DLC1: variants seen among roughly 807,000 people sequenced by gnomAD.
DLC1 encodes the protein rho GTPase-activating protein 7.
In DLC1, 54 loss-of-function variants were observed where a neutral mutation model predicts 140.3. That is an observed-to-expected ratio of 0.38 (90% confidence interval 0.31 to 0.48). The LOEUF is 0.48. DLC1 is among the 20% of genes least tolerant of loss of function. The pLI is 0.96. For missense variants in DLC1, 2,536 were observed against 1,907.0 expected (o/e 1.33, Z -6.14); for synonymous variants, 986 against 728.1 (o/e 1.35, Z -5.70).
chr8:13,339,771 G>A (rs367726776), intron 4 of DLC1: 1 of 152,090 alleles, frequency 6.6e-6, no homozygotes, highest in Non-Finnish European at 1.5e-5. Flanking sequence ...AAAATTACTT[G>A]TATAGAAAGC....
intron 1 of DLC1, among the ~76,000 whole-genome samples, chr8:13,569,107 G>A (rs1804554354): frequency 6.6e-6 from 1 of 152,094 alleles, no homozygotes; most frequent in Non-Finnish European, 1.5e-5. Context: ...GAATACCATG[G>A]CATTTTGAAA....
At chr8:13,123,083 C>T (rs548372266) in intron 5 of DLC1, among the ~76,000 whole-genome samples, 13 of 152,272 alleles carry the variant, frequency 8.5e-5, no homozygotes, top group East Asian at 3.9e-4. Flanking sequence ...GAGTACAGCG[C>T]GTATGAGGAC....
intron 5 of DLC1, among the ~76,000 whole-genome samples, chr8:13,171,278 C>G (rs76475436): frequency 0.053 from 8,038 of 152,232 alleles, 280 homozygotes; most frequent in South Asian, 0.12. Flanking sequence ...TAGGCTGTGT[C>G]AACCTGTTTG....
intron 4 of DLC1, among the ~76,000 whole-genome samples, chr8:13,389,960 C>A (rs1836677177): frequency 6.6e-6 from 1 of 152,084 alleles, no homozygotes; most frequent in Non-Finnish European, 1.5e-5. Context: ...AACTTTTGTT[C>A]ATGGTAAAAA....
intron 2 of DLC1, among the ~76,000 whole-genome samples, chr8:13,409,548 A>T (rs761319954): frequency 9.2e-5 from 14 of 152,168 alleles, no homozygotes; most frequent in Non-Finnish European, 1.9e-4. Context: ...ACTGTGGCTA[A>T]ACATTTTTAT....
intron 2 of DLC1, among the ~76,000 whole-genome samples, chr8:13,480,863 CA>C (rs1800699715): frequency 6.6e-6 from 1 of 152,246 alleles, no homozygotes; most frequent in African/African-American, 2.4e-5. Flanking sequence ...GAGATCACGC[CA>C]TTGCACTGCA....
chr8:13,197,934 A>T (rs987049338), intron 5 of DLC1, among the ~76,000 whole-genome samples: 2 of 152,056 alleles, frequency 1.3e-5, no homozygotes, highest in Admixed American at 1.3e-4. Flanking sequence ...TCCTTCTAAG[A>T]ATGAAGTATT....
At chr8:13,178,296 C>A (rs1825857771) in intron 5 of DLC1, among the ~76,000 whole-genome samples, 1 of 152,152 alleles carries the variant, frequency 6.6e-6, no homozygotes, top group Non-Finnish European at 1.5e-5. Flanking sequence ...GGCGCGGTGG[C>A]TCACGCCTGT....
intron 5 of DLC1, among the ~76,000 whole-genome samples, chr8:13,244,320 C>T (rs978834450): frequency 4.3e-5 from 6 of 140,276 alleles, no homozygotes; most frequent in Non-Finnish European, 9.1e-5. Context: ...TTTTTTGAGA[C>T]AGGATCTCAC....
At chr8:13,156,320 C>G (rs60126657) in intron 5 of DLC1, among the ~76,000 whole-genome samples, 4,566 of 152,160 alleles carry the variant, frequency 0.03, 224 homozygotes, top group African/African-American at 0.1. Context: ...ATACAGTATC[C>G]TGAGTACATA....
chr8:13,171,044 T>G (rs1487185819), intron 5 of DLC1, among the ~76,000 whole-genome samples: 3 of 152,202 alleles, frequency 2.0e-5, no homozygotes, highest in Non-Finnish European at 4.4e-5. Context: ...TATGTGGAGC[T>G]ATCTCATAAA....
intron 5 of DLC1, among the ~76,000 whole-genome samples, chr8:13,137,264 G>A (rs1822634705): frequency 2.6e-5 from 4 of 152,104 alleles, no homozygotes; most frequent in African/African-American, 7.2e-5. Flanking sequence ...ATCTGTCTCT[G>A]TCATACGTTA....
At chr8:13,563,789 G>A (rs1156617439) in intron 1 of DLC1, among the ~76,000 whole-genome samples, 1 of 152,052 alleles carries the variant, frequency 6.6e-6, no homozygotes, top group Non-Finnish European at 1.5e-5. Context: ...AAAAAAACTA[G>A]AAATACCTTG....
At position 13,415,245 on chromosome 8, in the gene DLC1, C is replaced by G. The variant is rs75002381; in HGVS notation, c.1024-13626G>C. On this transcript the variant is annotated intron_variant, in intron 2 of 17. Transcript: ENST00000276297. ...GTATTTAAATAAATTAAATAAATCA[C>G]TATTTGCTAGTGATTTAAGTAAATA... is the stretch of plus-strand genomic sequence containing the variant. Among the ~76,000 whole-genome samples the G allele has an allele frequency of 4.8e-3, 724 of 152,052 alleles. 4 individuals carry two copies. The highest frequency in any genetic ancestry group is 0.017 in the African/African-American group (698 of 41,466).
chr8:13,266,377 A>G (rs1340628760), intron 5 of DLC1, among the ~76,000 whole-genome samples: 1 of 152,164 alleles, frequency 6.6e-6, no homozygotes, highest in African/African-American at 2.4e-5. Flanking sequence ...TAGCCCCAAC[A>G]TAAAGAAAAA....
chr8:13,328,158 G>A (rs1272658967), intron 4 of DLC1, among the ~76,000 whole-genome samples: 1 of 152,064 alleles, frequency 6.6e-6, no homozygotes, highest in East Asian at 1.9e-4. Context: ...CCTATACGTG[G>A]GTTTTAAGTA....
intron 5 of DLC1, among the ~76,000 whole-genome samples, chr8:13,147,817 G>A (rs558441113): frequency 5.9e-5 from 9 of 152,118 alleles, no homozygotes; most frequent in African/African-American, 1.4e-4. Flanking sequence ...GTGAAACCCC[G>A]TCTCTACTAA....
intron 5 of DLC1, among the ~76,000 whole-genome samples, chr8:13,208,686 A>G (rs1827788581): frequency 6.6e-6 from 1 of 151,990 alleles, no homozygotes. Context: ...AAAATTAAAA[A>G]GATAATAGAC....
At chr8:13,545,898 C>T (rs146574267) in intron 1 of DLC1, among the ~76,000 whole-genome samples, 10 of 152,150 alleles carry the variant, frequency 6.6e-5, no homozygotes, top group South Asian at 2.1e-4. Context: ...AGAAGCCTAT[C>T]ACGTTAAAAA....
Sources: allele counts gnomAD v4.1 joint callset (sites outside exome capture counted in the v4.1 genomes callset), GRCh38; gene constraint gnomAD v4.1.1; transcripts MANE v1.5; gene names NCBI Gene and HGNC (gene_info 2026-07-23, HGNC 2026-07-21).